The following PCDHA2 variants were observed in gnomAD, a reference collection of about 807,000 sequenced individuals.
PCDHA2 encodes the protein protocadherin alpha-2.
PCDHA2 carries 58 observed loss-of-function variants against 66.0 expected under a neutral mutation model. The observed-to-expected ratio is 0.88, with a 90% CI of 0.71 to 1.09. PCDHA2 has a LOEUF of 1.09. PCDHA2 is among the 50% of genes least tolerant of loss of function. The probability of loss-of-function intolerance (pLI) is 0.00; values close to 1 mark genes in which losing one functional copy is unlikely to be tolerated. For synonymous variants in PCDHA2, 634 were observed against 554.0 expected, an observed-to-expected ratio of 1.14 and a Z score of -2.03; for missense variants, 1,267 against 1,242.3, an observed-to-expected ratio of 1.02 and a Z score of -0.30.
intron 1 of PCDHA2, chr5:140,877,631 C>T: frequency 6.2e-7 from 1 of 1,613,768 alleles, no homozygotes; most frequent in Non-Finnish European, 8.5e-7. Context: ...CTGTACACTG[C>T]GCTGCGTTGC....
intron 1 of PCDHA2, among the ~76,000 whole-genome samples, chr5:140,961,103 A>G (rs531762252): frequency 6.6e-6 from 1 of 152,254 alleles, no homozygotes; most frequent in South Asian, 2.1e-4. Context: ...TTGGTCACCC[A>G]ACCCCCTTGC....
chr5:140,946,219 G>T (rs2093905754), intron 1 of PCDHA2, among the ~76,000 whole-genome samples: 1 of 151,856 alleles, frequency 6.6e-6, no homozygotes, highest in African/African-American at 2.4e-5. Context: ...TGACCAACAG[G>T]TATACTAAAA....
chr5:140,807,475 C>T, intron 1 of PCDHA2: 1 of 1,612,934 alleles, frequency 6.2e-7, no homozygotes, highest in East Asian at 2.2e-5. Context: ...AGGAGCTGTG[C>T]CGGCGGAGCG....
chr5:140,948,937 T>C (rs1309849094), intron 1 of PCDHA2, among the ~76,000 whole-genome samples: 1 of 134,978 alleles, frequency 7.4e-6, no homozygotes, highest in African/African-American at 2.6e-5. Context: ...ACATTTCTTC[T>C]AATATAAAAA....
At chr5:140,828,589 C>T (rs2150157148) in intron 1 of PCDHA2, 9 of 1,614,088 alleles carry the variant, frequency 5.6e-6, no homozygotes, top group Non-Finnish European at 7.6e-6. Flanking sequence ...GCTCAAATTC[C>T]ATCTTAACCT....
At chr5:140,967,947 C>A in intron 1 of PCDHA2, 1 of 1,614,222 alleles carries the variant, frequency 6.2e-7, no homozygotes, top group Non-Finnish European at 8.5e-7. Flanking sequence ...GACCAAGACT[C>A]AGGCCCCAAC....
intron 1 of PCDHA2, chr5:140,815,235 G>A (rs2126662512): frequency 6.6e-5 from 10 of 152,072 alleles, no homozygotes; most frequent in African/African-American, 2.2e-4. Context: ...TTTGTTAATT[G>A]TTGTTTGCAG....
At chr5:140,915,290 C>G (rs1583944127) in intron 1 of PCDHA2, among the ~76,000 whole-genome samples, 1 of 152,254 alleles carries the variant, frequency 6.6e-6, no homozygotes, top group African/African-American at 2.4e-5. Flanking sequence ...ACTCTTTCTA[C>G]TTAAGATAAG....
At chr5:141,000,395 CTATATATA>C (rs1190667031) in intron 3 of PCDHA2, among the ~76,000 whole-genome samples, 7 of 53,980 alleles carry the variant, frequency 1.3e-4, no homozygotes, top group South Asian at 8.9e-4. Flanking sequence ...CTCTCTCTCT[CTATATATA>C]TATATATATA....
At chr5:140,805,456 T>G (rs2149984898) in intron 1 of PCDHA2, 1 of 1,026,082 alleles carries the variant, frequency 9.7e-7, no homozygotes, top group African/African-American at 1.7e-5. Flanking sequence ...TGTGTTTGTG[T>G]GAGTGTAGTT....
intron 1 of PCDHA2, chr5:140,835,711 T>A: frequency 6.2e-7 from 1 of 1,613,776 alleles, no homozygotes; most frequent in Non-Finnish European, 8.5e-7. Context: ...AGCGTGTCCG[T>A]GGAGGTGGCC....
At position 140,796,492 on chromosome 5, in the gene PCDHA2, GT is replaced by G. The variant is rs782322606; in HGVS notation, c.1529del (p.Val510GlyfsTer26). The G allele has an allele frequency of 3.0e-5, 49 of 1,612,214 alleles. No individual in the cohort carries two copies. Among genetic ancestry groups the G allele is most frequent in the Non-Finnish European group, 3.6e-5 (42 of 1,179,830 alleles). The part of the protein sequence containing the change: ...GERALSSYVS[V>X]HAESGKVYAL... Reference sequence around the variant, plus strand: ...GCGCGCGTTGTCGAGCTACGTTTCGGTGCACGCGGAGAGCGGCAAGGTGTAC... The same window carrying G: ...GCGCGCGTTGTCGAGCTACGTTTCGGGCACGCGGAGAGCGGCAAGGTGTAC... On this transcript the variant is annotated frameshift_variant, in exon 1 of 4. Coordinates refer to ENST00000526136, the MANE Select transcript of PCDHA2 (RefSeq NM_018905.3). LOFTEE classifies it high-confidence loss of function.
chr5:140,861,378 C>A, intron 1 of PCDHA2: 1 of 421,170 alleles, frequency 2.4e-6, no homozygotes. Flanking sequence ...CCCTATTGCG[C>A]AGGACCTGGG....
rs2150503852 is a variant in PCDHA2 at position 140,850,955 on chromosome 5, C to T, written c.2388+53603C>T. The T allele has an allele frequency of 1.6e-5, 23 of 1,482,450 alleles. 2 individuals are homozygous for T. In the Admixed American group the frequency reaches 2.7e-4, roughly 17 times the overall value. 91.8% of individuals were successfully genotyped at this position (1,482,450 alleles called of 1,614,324 possible). A position where few individuals can be genotyped will look rare whatever the true frequency, so the allele number is the denominator to read the frequency against. On this transcript the variant is annotated intron_variant, in intron 1 of 3. Transcript: ENST00000526136. Reference sequence around the variant, plus strand: ...TTCTTGAAAGATATTATCGATTACTCCCAGGGGCCGTTCAAATAGTTTTAT... The same window carrying T: ...TTCTTGAAAGATATTATCGATTACTTCCAGGGGCCGTTCAAATAGTTTTAT...
chr5:140,979,972 C>T (rs1393315984), intron 2 of PCDHA2, among the ~76,000 whole-genome samples: 1 of 152,176 alleles, frequency 6.6e-6, no homozygotes, highest in East Asian at 1.9e-4. Context: ...CATTAAAATG[C>T]ATTAGATTGA....
intron 1 of PCDHA2, chr5:140,853,431 T>A (rs115944296): frequency 0.015 from 15,010 of 985,262 alleles, 1,430 homozygotes; most frequent in Non-Finnish European, 0.017. Context: ...AGAGACACTT[T>A]CCTATTTTGC....
intron 1 of PCDHA2, among the ~76,000 whole-genome samples, chr5:140,935,942 G>A (rs2090659965): frequency 6.8e-6 from 1 of 147,088 alleles, no homozygotes; most frequent in Non-Finnish European, 1.5e-5. Flanking sequence ...GCCCAGGCTG[G>A]AGTAAAGTGG....
intron 1 of PCDHA2, chr5:140,878,248 C>A (rs1449904760): frequency 6.5e-6 from 1 of 154,860 alleles, no homozygotes; most frequent in African/African-American, 2.4e-5. Flanking sequence ...TTAACTCTTC[C>A]TCACGTGCTT....
At chr5:140,908,422 C>T (rs1403455941) in intron 1 of PCDHA2, among the ~76,000 whole-genome samples, 1 of 152,176 alleles carries the variant, frequency 6.6e-6, no homozygotes, top group Non-Finnish European at 1.5e-5. Context: ...TGATGGAATG[C>T]TGCTGTGCGC....
Sources: allele counts gnomAD v4.1 joint callset (sites outside exome capture counted in the v4.1 genomes callset), GRCh38; gene constraint gnomAD v4.1.1; transcripts MANE v1.5; gene names NCBI Gene and HGNC (gene_info 2026-07-23, HGNC 2026-07-21).